Variants in NALCN observed in about 807,000 individuals in gnomAD.
NALCN encodes sodium leak channel, non-selective.
NALCN carries 111 observed loss-of-function variants against 225.3 expected under a neutral mutation model. The ratio of observed to expected loss-of-function variants is 0.49; its 90% CI spans 0.42 to 0.58. The LOEUF is 0.58. Among genes scored for constraint, NALCN ranks in the 20% least tolerant of loss-of-function variants. NALCN has a pLI of 0.00. For missense variants in NALCN, 1,378 were observed against 2,202.4 expected, an observed-to-expected ratio of 0.63 and a Z score of 7.49; for synonymous variants, 764 against 769.0, an observed-to-expected ratio of 0.99 and a Z score of 0.11.
At chr13:101,180,556 C>T (rs189851931) in intron 14 of NALCN, 123 of 162,278 alleles carry the variant, frequency 7.6e-4, no homozygotes, top group Admixed American at 6.8e-3. Flanking sequence ...TGTATTAGCT[C>T]TCAACTCAGG....
chr13:101,123,882 C>A (rs2036100872), intron 18 of NALCN, among the ~76,000 whole-genome samples: 1 of 152,178 alleles, frequency 6.6e-6, no homozygotes, highest in African/African-American at 2.4e-5. Context: ...CCTTATCACT[C>A]ACCGCAGGTT....
chr13:101,153,859 T>G (rs2037774254), intron 15 of NALCN, among the ~76,000 whole-genome samples: 1 of 152,226 alleles, frequency 6.6e-6, no homozygotes, highest in South Asian at 2.1e-4. Flanking sequence ...CTATCAATTA[T>G]GTACAGAAGA....
chr13:101,241,317 G>A (rs1440240353), intron 11 of NALCN, among the ~76,000 whole-genome samples: 1 of 152,142 alleles, frequency 6.6e-6, no homozygotes, highest in East Asian at 1.9e-4. Flanking sequence ...TAGAAATTTG[G>A]GTCCCCCTTA....
At chr13:101,074,956 C>A (rs2139473998) in intron 35 of NALCN, among the ~76,000 whole-genome samples, 1 of 152,252 alleles carries the variant, frequency 6.6e-6, no homozygotes, top group African/African-American at 2.4e-5. Flanking sequence ...TAACACTAAG[C>A]ATTTTCACCT....
chr13:101,367,920 T>C (rs1453506830), intron 6 of NALCN, among the ~76,000 whole-genome samples: 1 of 152,132 alleles, frequency 6.6e-6, no homozygotes, highest in Non-Finnish European at 1.5e-5. Flanking sequence ...GTTTGTCTTT[T>C]CCCTATGATG....
chr13:101,301,202 T>C (rs982716856), intron 7 of NALCN, among the ~76,000 whole-genome samples: 5 of 152,146 alleles, frequency 3.3e-5, no homozygotes, highest in Non-Finnish European at 7.4e-5. Flanking sequence ...GGCAGGAAAG[T>C]GTAGGTACTA....
intron 14 of NALCN, among the ~76,000 whole-genome samples, chr13:101,182,341 G>A (rs190748243): frequency 6.6e-6 from 1 of 152,102 alleles, no homozygotes; most frequent in Non-Finnish European, 1.5e-5. Flanking sequence ...GACTCCTAAA[G>A]GAAGAGCTTT....
intron 13 of NALCN, among the ~76,000 whole-genome samples, chr13:101,192,674 C>A (rs1180955432): frequency 6.8e-6 from 1 of 147,434 alleles, no homozygotes; most frequent in Non-Finnish European, 1.5e-5. Context: ...AAAAAACAAA[C>A]AAACAAACAA....
chr13:101,268,954 T>C (rs1200973801), intron 10 of NALCN, among the ~76,000 whole-genome samples: 1 of 152,170 alleles, frequency 6.6e-6, no homozygotes, highest in African/African-American at 2.4e-5. Flanking sequence ...AAAGGAAAAG[T>C]AAATGATGAC....
rs958904657 is a variant in NALCN, at chr13:101,378,650, C to T, written c.295G>A (p.Asp99Asn). Residue 99 changes from aspartate (D) to asparagine (N), a missense_variant, in exon 4 of 44, where the codon GAT (aspartate) becomes AAT (asparagine). Coordinates refer to ENST00000251127, the MANE Select transcript of NALCN (RefSeq NM_052867.4). Reference sequence around the variant, plus strand: ...CAGCGATCTTTCACATAGGAACTATCCCCCTAAAAATAAATTTTACATGGC... The same window carrying T: ...CAGCGATCTTTCACATAGGAACTATTCCCCTAAAAATAAATTTTACATGGC... ...KMHIRGIVKG[D>N]SSYVKDRWCV... 6.2e-7 allele frequency: 1 copy of T among 1,607,004 alleles called. No individual in the cohort carries two copies.
chr13:101,405,717 A>G (rs1310600771), intron 1 of NALCN, among the ~76,000 whole-genome samples: 3 of 152,176 alleles, frequency 2.0e-5, no homozygotes, highest in Non-Finnish European at 4.4e-5. Context: ...CTGCCTTGAG[A>G]TTTCAATCAT....
rs547640553 is a variant in NALCN at position 101,245,159 on chromosome 13, G to A, written c.1267-7237C>T. 2.6e-5 allele frequency among the ~76,000 whole-genome samples: 4 copies of A among 152,272 alleles called. No individual in the cohort carries two copies. The East Asian group carries it at 7.7e-4, about 29-fold the overall frequency. On this transcript the variant is annotated intron_variant, in intron 11 of 43. Transcript: ENST00000251127. Reference sequence around the variant, plus strand: ...CTGCTTTGGCCCTCCTCAGTCTGCAGCCCCTGCACCAAGAAGGGCTCATTG... The same window carrying A: ...CTGCTTTGGCCCTCCTCAGTCTGCAACCCCTGCACCAAGAAGGGCTCATTG...
At chr13:101,347,140 T>TAC (rs56838607) in intron 6 of NALCN, among the ~76,000 whole-genome samples, 27,255 of 149,432 alleles carry the variant, frequency 0.18, 2,792 homozygotes, top group East Asian at 0.36. Context: ...TACATAGTTT[T>TAC]ACACACACAC....
chr13:101,092,149 G>A (rs1185222279), intron 28 of NALCN, among the ~76,000 whole-genome samples: 2 of 152,128 alleles, frequency 1.3e-5, no homozygotes, highest in African/African-American at 4.8e-5. Flanking sequence ...GTGAAATATT[G>A]TAATCTTGCC....
rs1400329652 is a variant in NALCN, at chr13:101,089,318, A to G, written c.3489+345T>C. ...GAAGCATACAATTTACATTTAGTGA[A>G]AGTAATATTACCTGTAATTAGCGAA... is the stretch of plus-strand genomic sequence containing the variant. On this transcript the variant is annotated intron_variant, in intron 30 of 43. Coordinates refer to ENST00000251127, the MANE Select transcript of NALCN (RefSeq NM_052867.4). This position sits in a 1 kb window ranked among gnomAD's most constrained non-coding sequence, Gnocchi z 4.7. 6.6e-6 allele frequency among the ~76,000 whole-genome samples: 1 copy of G among 152,238 alleles called. No homozygotes were observed. Among genetic ancestry groups the G allele is most frequent in the Non-Finnish European group, 1.5e-5 (1 of 68,038 alleles).
At position 101,107,552 on chromosome 13, in the gene NALCN, G is replaced by A. The variant is rs200716691; in HGVS notation, c.2514C>T (p.Phe838=). 8 of 1,614,174 alleles carry A rather than the reference G, an allele frequency of 5.0e-6. No homozygotes were observed. In the East Asian group the frequency reaches 1.1e-4, roughly 22 times the overall value. The change falls in exon 22 of 44, where the codon TTC becomes TTT. Residue 838 remains phenylalanine (F), a synonymous_variant. Transcript: ENST00000251127. The part of the protein sequence containing the change: ...ENHPYFDKPL[F]IVGREHRFRN... Reference sequence around the variant, plus strand: ...TGAACCTGTGTTCTCGCCCGACAATGAACAGTGGCTTATCGAAGTATGGGT... The same window carrying A: ...TGAACCTGTGTTCTCGCCCGACAATAAACAGTGGCTTATCGAAGTATGGGT...
intron 13 of NALCN, among the ~76,000 whole-genome samples, chr13:101,210,552 AG>A (rs2040485548): frequency 6.6e-6 from 1 of 152,184 alleles, no homozygotes; most frequent in Non-Finnish European, 1.5e-5. Flanking sequence ...TTGTCTGGAA[AG>A]TCGCAAAAGA....
At chr13:101,266,831 A>G (rs1032058621) in intron 10 of NALCN, among the ~76,000 whole-genome samples, 2 of 152,206 alleles carry the variant, frequency 1.3e-5, no homozygotes, top group Non-Finnish European at 2.9e-5. Flanking sequence ...TGCTTCCCTT[A>G]TTTAGAAGAC....
chr13:101,229,223 C>T (rs2041256133), intron 13 of NALCN, among the ~76,000 whole-genome samples, 170 bp downstream of exon 13: 1 of 152,106 alleles, frequency 6.6e-6, no homozygotes, highest in South Asian at 2.1e-4. Flanking sequence ...TGGTCTCAAA[C>T]ACCTGCACCC....
Sources: gnomAD v4.1 joint callset for allele counts (sites outside exome capture counted in the v4.1 genomes callset) on GRCh38, gnomAD v4.1.1 for gene constraint, Gnocchi (gnomAD v3.1) non-coding constraint, MANE v1.5 for transcripts, NCBI Gene and HGNC (gene_info 2026-07-23, HGNC 2026-07-21) for gene names.